TARS1: variants seen among roughly 807,000 people sequenced by gnomAD.
TARS1 encodes threonyl-tRNA synthetase 1.
TARS1 carries 57 observed loss-of-function variants against 97.7 expected under a neutral mutation model. The ratio of observed to expected loss-of-function variants is 0.58; its 90% CI spans 0.47 to 0.73. The LOEUF is 0.73. TARS1 is among the 30% of genes least tolerant of loss of function. The probability of loss-of-function intolerance (pLI) is 0.00; values close to 1 mark genes in which losing one functional copy is unlikely to be tolerated. For missense variants in TARS1, 806 were observed against 888.3 expected, an observed-to-expected ratio of 0.91 and a Z score of 1.18; for synonymous variants, 312 against 293.7, an observed-to-expected ratio of 1.06 and a Z score of -0.64.
In TARS1 at chr5:33,457,300, TCCA is replaced by T. The variant is rs1742068630; in HGVS notation, c.882_884del (p.Gln295del). 1 of 1,614,072 alleles carries T rather than the reference TCCA, an allele frequency of 6.2e-7. No individual in the cohort carries two copies. Among genetic ancestry groups the T allele is most frequent in the East Asian group, 2.2e-5 (1 of 44,898 alleles). On this transcript the variant is annotated inframe_deletion, in exon 9 of 19. Transcript: ENST00000265112. ...GAAGGCAAAGCAGATATGGAGACTC[TCCA>T]GAGAATTTATGGCATTTCATTCCCA... is the stretch of plus-strand genomic sequence containing the variant.
intron 16 of TARS1, 122 bp from the exon 17 acceptor site, chr5:33,463,631 G>A: frequency 1.1e-6 from 1 of 870,844 alleles, no homozygotes; most frequent in East Asian, 2.7e-5. Flanking sequence ...TTAAAGCCAA[G>A]TTTTAAAAGT....
At chr5:33,451,031 T>C (rs561085433) in intron 3 of TARS1, among the ~76,000 whole-genome samples, 1 of 152,222 alleles carries the variant, frequency 6.6e-6, no homozygotes, top group East Asian at 1.9e-4. Flanking sequence ...GGAGGATAGC[T>C]TGAACTCGGG....
intron 16 of TARS1, 57 bp downstream of exon 16, chr5:33,462,260 T>A: frequency 6.8e-7 from 1 of 1,463,560 alleles, no homozygotes. Flanking sequence ...ACAAGAAATG[T>A]CTACTTTTCG....
Position 33,455,586 on chromosome 5 carries a change from G to A in TARS1, c.576-1G>A. The A allele has an allele frequency of 6.3e-7, 1 of 1,588,042 alleles. No individual in the cohort carries two copies. The highest frequency in any genetic ancestry group is 8.6e-7 in the Non-Finnish European group (1 of 1,161,438). The stretch of plus-strand genomic sequence containing the variant: ...AAAGATTATACTTTCTTCTCCTTCA[G>A]GGGTGTGTCTAGCAATGATTTCTCT... On this transcript the variant is annotated splice_acceptor_variant, in intron 5 of 18. Transcript: ENST00000265112. LOFTEE classifies it high-confidence loss of function.
Position 33,441,039 on chromosome 5 carries a change from C to T in TARS1, c.-48C>T, listed in dbSNP as rs1741060430. 2 of 1,613,590 alleles carry T rather than the reference C, an allele frequency of 1.2e-6. No homozygotes were observed. Among genetic ancestry groups the T allele is most frequent in the African/African-American group, 2.7e-5 (2 of 75,070 alleles). ...CTCCCACCCGCCTCTTGGCTCCTCT[C>T]CTCTAGGCCGTCGCTTTCGGGTTCT... On this transcript the variant is annotated 5_prime_UTR_variant, in exon 1 of 19. Coordinates refer to ENST00000265112, the MANE Select transcript of TARS1 (RefSeq NM_152295.5).
chr5:33,452,524 C>T (rs976297970), intron 3 of TARS1: 1 of 959,228 alleles, frequency 1.0e-6, no homozygotes, highest in East Asian at 2.6e-5. Flanking sequence ...CTTTTACACT[C>T]TGTGTGCTCT....
intron 17 of TARS1, 39 bp downstream of exon 17, chr5:33,463,864 T>A: frequency 1.9e-6 from 3 of 1,555,600 alleles, no homozygotes; most frequent in Non-Finnish European, 2.6e-6. Context: ...ATTTAACATC[T>A]GTTGTTCAGC....
rs779984744 is a variant in TARS1, at chr5:33,459,719, C to T, written c.1108C>T (p.Gln370Ter). ...IRSEYRKRGF[Q>*]EVVTPNIFNS... ...GAGCGAATATAGGAAAAGAGGATTC[C>T]AGGAGGTAGTCACCCCAAACATCTT... is the stretch of plus-strand genomic sequence containing the variant. Residue 370 changes from glutamine (Q) to a stop codon, truncating the protein, a stop_gained, in exon 11 of 19, where the codon CAG becomes TAG. Coordinates refer to ENST00000265112, the MANE Select transcript of TARS1 (RefSeq NM_152295.5). LOFTEE classifies it high-confidence loss of function. 3 of 1,614,090 alleles carry T rather than the reference C, an allele frequency of 1.9e-6. No homozygotes were observed. The highest frequency in any genetic ancestry group is 2.2e-5 in the South Asian group (2 of 91,074).
intron 1 of TARS1, among the ~76,000 whole-genome samples, chr5:33,443,987 C>G (rs1242783461): frequency 6.6e-6 from 1 of 151,832 alleles, no homozygotes; most frequent in African/African-American, 2.4e-5. Flanking sequence ...ACAAGTAACG[C>G]ATTTTATAGG....
At chr5:33,457,211 T>C in intron 8 of TARS1, 46 bp from the exon 9 acceptor site, 2 of 1,597,182 alleles carry the variant, frequency 1.3e-6, no homozygotes, top group South Asian at 2.2e-5. Context: ...ATAAGTGAGA[T>C]GTTTACAAAT....
At chr5:33,463,717 C>G (rs369833949) in intron 16 of TARS1, 36 bp from the exon 17 acceptor site, 1 of 1,537,818 alleles carries the variant, frequency 6.5e-7, no homozygotes, top group African/African-American at 1.4e-5. Context: ...TGAATATGCC[C>G]ACATCTACAC....
At chr5:33,452,187 C>G (rs1472610969) in intron 3 of TARS1, among the ~76,000 whole-genome samples, 1 of 152,160 alleles carries the variant, frequency 6.6e-6, no homozygotes, top group African/African-American at 2.4e-5. Context: ...TGGTAGGTTT[C>G]TTTGAGATTT....
intron 3 of TARS1, chr5:33,452,295 T>G: frequency 7.3e-7 from 1 of 1,370,612 alleles, no homozygotes. Context: ...TCTCTAGCTG[T>G]GCATTTAGAT....
chr5:33,467,311 G>A (rs1742573984), intron 18 of TARS1, among the ~76,000 whole-genome samples: 1 of 151,960 alleles, frequency 6.6e-6, no homozygotes, highest in South Asian at 2.1e-4. Context: ...CTTGAAAAAA[G>A]ATATTCATGA....
In TARS1 at chr5:33,455,190, T is replaced by C. The variant is rs113423654; in HGVS notation, c.575+124T>C. 165 of 1,238,702 alleles carry C rather than the reference T, an allele frequency of 1.3e-4. 1 individual carries two copies. The African/African-American group carries it at 2.0e-3, about 15-fold the overall frequency. The allele number at this position is 1,238,702 out of a possible 1,614,324, so 76.7% of individuals were successfully genotyped here. On this transcript the variant is annotated intron_variant, in intron 5 of 18. Coordinates refer to ENST00000265112, the MANE Select transcript of TARS1 (RefSeq NM_152295.5). ...ACTGCTTCTTCATCAGGTATGCCCATTATCAGTACTTGAAGTGTTGCAATT... is the reference window on the plus strand; with the variant it reads ...ACTGCTTCTTCATCAGGTATGCCCACTATCAGTACTTGAAGTGTTGCAATT...
chr5:33,461,957 A>G lies in TARS1; in HGVS notation c.1681A>G (p.Ile561Val). The part of the protein sequence containing the change: ...AIGRYHQCAT[I>V]QLDFQLPIRF... ...TGGGCGGTACCACCAGTGTGCAACC[A>G]TCCAGCTGGATTTCCAGTTGCCCAT... The change falls in exon 15 of 19, where the codon ATC (isoleucine) becomes GTC (valine). Residue 561 changes from isoleucine (I) to valine (V), a missense_variant. By Grantham distance (29) the Ile-to-Val change is conservative. Coordinates refer to ENST00000265112, the MANE Select transcript of TARS1 (RefSeq NM_152295.5). 1 of 1,614,132 alleles carries G rather than the reference A, an allele frequency of 6.2e-7. No individual in the cohort carries two copies. The highest frequency in any genetic ancestry group is 8.5e-7 in the Non-Finnish European group (1 of 1,179,950).
In TARS1 at chr5:33,453,308, A is replaced by G. The variant is rs768944528; in HGVS notation, c.349A>G (p.Thr117Ala). 3.8e-6 allele frequency: 6 copies of G among 1,583,846 alleles called. No homozygotes were observed. Among genetic ancestry groups the G allele is most frequent in the Middle Eastern group, 1.8e-4 (1 of 5,550 alleles). ...TTTAAGTCAAGGCCTGGCCGACAAC[A>G]CCGTTATTGCTAAAGTAAATAATGT... ...CGISQGLADN[T>A]VIAKVNNVVW... Residue 117 changes from threonine to alanine, a missense_variant, in exon 4 of 19, where the codon ACC becomes GCC. Transcript: ENST00000265112.
chr5:33,461,150 A>G lies in TARS1; in HGVS notation c.1414-8A>G. The G allele has an allele frequency of 1.2e-6, 2 of 1,601,090 alleles. No homozygotes were observed. The highest frequency in any genetic ancestry group is 1.7e-6 in the Non-Finnish European group (2 of 1,174,562). On this transcript the variant is annotated splice_polypyrimidine_tract_variant and splice_region_variant and intron_variant, in intron 12 of 18. Coordinates refer to ENST00000265112, the MANE Select transcript of TARS1 (RefSeq NM_152295.5). ...CTACTGTTTCTTTTTTTGTTTTTTA[A>G]TTTGAAGATTGAAGATGAAATAAAA...
rs950425513 is a variant in TARS1, at chr5:33,457,544, C to T, written c.984+141C>T. 32 of 873,938 alleles carry T rather than the reference C, an allele frequency of 3.7e-5. No homozygotes were observed. In the African/African-American group the frequency reaches 3.9e-4, roughly 11 times the overall value. The allele number at this position is 873,938 out of a possible 1,614,324, so 54.1% of individuals were successfully genotyped here. ...TTAGTAACTGGTGCTATGTCCTGTA[C>T]AAACTATAAACACTTACTGATTGTC... On this transcript the variant is annotated intron_variant, in intron 9 of 18. Coordinates refer to ENST00000265112, the MANE Select transcript of TARS1 (RefSeq NM_152295.5).
Sources: allele counts gnomAD v4.1 joint callset (sites outside exome capture counted in the v4.1 genomes callset), GRCh38; gene constraint gnomAD v4.1.1; transcripts MANE v1.5; gene names NCBI Gene and HGNC (gene_info 2026-07-23, HGNC 2026-07-21).